Variants in C22orf31 observed in about 807,000 individuals in gnomAD.
C22orf31 encodes the protein chromosome 22 open reading frame 31, also known as uncharacterized protein C22orf31.
Under a neutral mutation model 15.0 loss-of-function variants are expected in C22orf31, and 11 were observed. That is an observed-to-expected ratio of 0.73 (90% CI 0.46 to 1.21). The LOEUF (loss-of-function observed/expected upper bound fraction) is 1.21, where lower values mean the gene tolerates loss of function less well. Ranked by LOEUF, C22orf31 falls within the 50% of genes most tolerant of loss-of-function variation. The pLI is 0.00. For synonymous variants in C22orf31, 132 were observed against 133.3 expected, an observed-to-expected ratio of 0.99 and a Z score of 0.07; for missense variants, 340 against 347.2, an observed-to-expected ratio of 0.98 and a Z score of 0.17.
chr22:29,060,194 CTTT>C (rs60535445), intron 2 of C22orf31, among the ~76,000 whole-genome samples: 2 of 128,818 alleles, frequency 1.6e-5, no homozygotes, highest in Non-Finnish European at 1.7e-5. Flanking sequence ...TCATGCCTGG[CTTT>C]TTTTTTTTTT....
the C22orf31 span, among the ~76,000 whole-genome samples, chr22:29,067,344 A>C: frequency 1.6e-3 from 243 of 151,758 alleles, no homozygotes; most frequent in African/African-American, 5.7e-3. Flanking sequence ...CACTTGCCCC[A>C]TTCCAGTCCC....
At chr22:29,070,388 G>A in the C22orf31 span, among the ~76,000 whole-genome samples, 1 of 152,228 alleles carries the variant, frequency 6.6e-6, no homozygotes, top group Non-Finnish European at 1.5e-5. Context: ...AGCCCAGGAG[G>A]GGTGCCTTCC....
At chr22:29,063,298 T>C (rs1254872218), upstream of C22orf31, among the ~76,000 whole-genome samples, 2 of 152,150 alleles carry the variant, frequency 1.3e-5, no homozygotes, top group African/African-American at 4.8e-5. Context: ...CCCAAGACGC[T>C]GGGATTACAG....
In C22orf31 at chr22:29,060,405, C is replaced by T; in HGVS notation, c.432+10G>A. 1 of 1,604,220 alleles carries T rather than the reference C, an allele frequency of 6.2e-7. No homozygotes were observed. The highest frequency in any genetic ancestry group is 8.5e-7 in the Non-Finnish European group (1 of 1,176,014). ...CAGTCACATTTTCCCCACCACTGGT[C>T]CTCGTCTACCTCTCTGATGCCTCCT... On this transcript the variant is annotated intron_variant, in intron 2 of 2. Transcript: ENST00000216071.
At chr22:29,061,389 C>T (rs2037390112) in intron 1 of C22orf31, among the ~76,000 whole-genome samples, 1 of 152,102 alleles carries the variant, frequency 6.6e-6, no homozygotes, top group South Asian at 2.1e-4. Flanking sequence ...GCCTCAGCCT[C>T]CGAAGTAGTT....
At chr22:29,073,098 G>A in the C22orf31 span, 1 of 785,346 alleles carries the variant, frequency 1.3e-6, no homozygotes, top group Non-Finnish European at 1.5e-6. The surrounding 1 kb of genome is among the most constrained non-coding windows in gnomAD (Gnocchi z 4.4). Context: ...CCTTTACCCC[G>A]GGCCGCGCCC....
chr22:29,059,379 A>C (rs1449859640), intron 2 of C22orf31, among the ~76,000 whole-genome samples, 197 bp from the exon 3 acceptor site: 6 of 152,176 alleles, frequency 3.9e-5, no homozygotes, highest in Admixed American at 3.3e-4. Context: ...GCAGGAGACA[A>C]CTTTATAGGC....
the C22orf31 span, among the ~76,000 whole-genome samples, chr22:29,067,805 G>T: frequency 2.6e-5 from 4 of 152,106 alleles, no homozygotes; most frequent in South Asian, 2.1e-4. Context: ...GGTTGCAGTG[G>T]CTGTATCCTC....
At chr22:29,065,674 G>A (rs1161532021), upstream of C22orf31, among the ~76,000 whole-genome samples, 1 of 152,230 alleles carries the variant, frequency 6.6e-6, no homozygotes, top group Non-Finnish European at 1.5e-5. Flanking sequence ...TAAGGAAGTG[G>A]TTAGTCTTTA....
the C22orf31 span, among the ~76,000 whole-genome samples, chr22:29,071,397 T>C: frequency 0.015 from 1,331 of 89,730 alleles, 16 homozygotes; most frequent in African/African-American, 0.051. Context: ...CAGCCGTGGG[T>C]GGGGAAAGGA....
At position 29,058,790 on chromosome 22, in the gene C22orf31, G is replaced by T; in HGVS notation, c.825C>A (p.His275Gln). ...GCCATTTCTTGAGTACAGGCTCCTC[G>T]TGGACACCTGGCTGCTTCCTGCCAG... The part of the protein sequence containing the change: ...RFPGRKQPGV[H>Q]EEPVLKKWPK... The change falls in exon 3 of 3, where the codon CAC becomes CAA. Residue 275 changes from histidine (H) to glutamine (Q), a missense_variant. Physicochemically the swap from His to Gln is conservative, Grantham distance 24. Transcript: ENST00000216071. 6.2e-7 allele frequency: 1 copy of T among 1,614,014 alleles called. No homozygotes were observed. Among genetic ancestry groups the T allele is most frequent in the Non-Finnish European group, 8.5e-7 (1 of 1,179,972 alleles).
the C22orf31 span, among the ~76,000 whole-genome samples, chr22:29,072,567 G>A: frequency 6.6e-6 from 1 of 152,240 alleles, no homozygotes; most frequent in South Asian, 2.1e-4. Flanking sequence ...AGTGGGATGT[G>A]AACTCTCCAA....
upstream of C22orf31, among the ~76,000 whole-genome samples, chr22:29,064,499 A>C (rs1463755032): frequency 1.3e-5 from 2 of 151,692 alleles, no homozygotes; most frequent in Non-Finnish European, 2.9e-5. Context: ...CACTCAATGA[A>C]TATTTGCTTT....
chr22:29,064,930 T>C (rs1000934495), upstream of C22orf31, among the ~76,000 whole-genome samples: 1 of 151,968 alleles, frequency 6.6e-6, no homozygotes, highest in South Asian at 2.1e-4. Context: ...CTCAGCTCAC[T>C]GCAACCTCCG....
rs714136 is a variant in C22orf31 at position 29,058,986 on chromosome 22, G to C, written c.629C>G (p.Thr210Arg). The C allele has an allele frequency of 6.2e-7, 1 of 1,614,042 alleles. No individual in the cohort carries two copies. Among genetic ancestry groups the C allele is most frequent in the Non-Finnish European group, 8.5e-7 (1 of 1,180,010 alleles). Residue 210 changes from threonine (T) to arginine (R), a missense_variant, in exon 3 of 3, where the codon ACA becomes AGA. Thr to Arg is a moderately conservative substitution (Grantham distance 71). Coordinates refer to ENST00000216071, the MANE Select transcript of C22orf31 (RefSeq NM_015370.2). ...EDTLTIHGLP[T>R]EGYQALYHAV... The stretch of plus-strand genomic sequence containing the variant: ...GTGGTACAGAGCCTGGTAACCCTCT[G>C]TGGGGAGACCATGGATGGTTAGCGT...
At chr22:29,065,633 C>T (rs1211757653), upstream of C22orf31, among the ~76,000 whole-genome samples, 2 of 152,162 alleles carry the variant, frequency 1.3e-5, no homozygotes, top group South Asian at 2.1e-4. Context: ...CTTTGTTAAA[C>T]GGAAAGGGAA....
At chr22:29,068,830 T>C in the C22orf31 span, among the ~76,000 whole-genome samples, 1 of 147,126 alleles carries the variant, frequency 6.8e-6, no homozygotes, top group Non-Finnish European at 1.5e-5. Context: ...AGTGACACGA[T>C]CTCGGCTCAC....
At chr22:29,073,269 C>A in the C22orf31 span, 1 of 941,920 alleles carries the variant, frequency 1.1e-6, no homozygotes, top group Non-Finnish European at 1.4e-6. The surrounding 1 kb of genome is among the most constrained non-coding windows in gnomAD (Gnocchi z 4.4). Flanking sequence ...TGAGCGGAGC[C>A]CACTCGAGGG....
chr22:29,068,433 C>T, the C22orf31 span, among the ~76,000 whole-genome samples: 5 of 137,706 alleles, frequency 3.6e-5, no homozygotes, highest in East Asian at 2.1e-4. Context: ...TTTTTTGAGA[C>T]GGAGTCTTGC....
Sources: allele counts gnomAD v4.1 joint callset (sites outside exome capture counted in the v4.1 genomes callset), GRCh38; gene constraint gnomAD v4.1.1; non-coding constraint Gnocchi (gnomAD v3.1); transcripts MANE v1.5; gene names NCBI Gene and HGNC (gene_info 2026-07-23, HGNC 2026-07-21).